Variants in CDH23 observed in about 807,000 individuals in gnomAD.
CDH23 encodes the protein cadherin related 23.
CDH23 carries 189 observed loss-of-function variants against 317.1 expected under a neutral mutation model. The observed-to-expected ratio is 0.60, with a 90% confidence interval of 0.53 to 0.67. The LOEUF is 0.67. Ranked by LOEUF, CDH23 falls within the 30% of genes least tolerant of loss-of-function variation. CDH23 has a pLI of 0.00. For synonymous variants in CDH23, 1,839 were observed against 1,876.8 expected (o/e 0.98, Z 0.52); for missense variants, 4,401 against 4,592.4 (o/e 0.96, Z 1.20).
chr10:71,761,943 G>A (rs1296226004), intron 38 of CDH23: 13 of 1,613,874 alleles, frequency 8.1e-6, no homozygotes, highest in African/African-American at 2.7e-5. Flanking sequence ...GGGCCCAAGA[G>A]CCTGCAGGTG....
At chr10:71,790,047 G>T (rs551459684) in intron 45 of CDH23, among the ~76,000 whole-genome samples, 6 of 152,186 alleles carry the variant, frequency 3.9e-5, no homozygotes, top group Non-Finnish European at 7.4e-5. Flanking sequence ...CTGGGCAGCC[G>T]GGGCCTTGCT....
At chr10:71,703,316 C>G (rs978423143) in intron 24 of CDH23, among the ~76,000 whole-genome samples, 8 of 152,198 alleles carry the variant, frequency 5.3e-5, no homozygotes, top group African/African-American at 1.9e-4. Context: ...CACTGGAGAC[C>G]CTCCTGGTTA....
intron 6 of CDH23, among the ~76,000 whole-genome samples, chr10:71,550,559 C>CAAA (rs1222399834): frequency 4.6e-4 from 21 of 45,540 alleles, no homozygotes; most frequent in African/African-American, 6.5e-4. Context: ...GACCCTGTCT[C>CAAA]AAAAAAAAAA....
chr10:71,647,126 G>A (rs1334709029), intron 14 of CDH23: 1 of 975,564 alleles, frequency 1.0e-6, no homozygotes, highest in Non-Finnish European at 1.2e-6. Flanking sequence ...AAACCCTTAA[G>A]TAGTTCAAGC....
chr10:71,797,120 G>A lies in CDH23; in HGVS notation c.6729G>A (p.Lys2243=). 1.2e-6 allele frequency: 2 copies of A among 1,612,364 alleles called. No individual in the cohort carries two copies. The highest frequency in any genetic ancestry group is 1.7e-6 in the Non-Finnish European group (2 of 1,178,796). The change falls in exon 49 of 70, where the codon AAG becomes AAA. Residue 2243 remains lysine, a synonymous_variant. Transcript: ENST00000224721. ...VNINTGSVMV[K]SPMNRELVAT... ...GGTCCACAGGATCTGTAATGGTGAA[G>A]TCCCCCATGAATCGGGAGCTGGTTG...
chr10:71,622,180 G>A (rs955774175), intron 11 of CDH23, among the ~76,000 whole-genome samples: 3 of 152,028 alleles, frequency 2.0e-5, no homozygotes, highest in African/African-American at 7.3e-5. Context: ...ACGGTGAATC[G>A]GCAACTCACT....
Position 71,675,163 on chromosome 10 carries a change from G to A in CDH23, c.1501G>A (p.Asp501Asn). The change falls in exon 15 of 70, where the codon GAT (aspartate) becomes AAT (asparagine). Residue 501 changes from aspartate (D) to asparagine (N), a missense_variant. By Grantham distance (23) the Asp-to-Asn change is conservative. Transcript: ENST00000224721. ...TFGEVSYFFS[D>N]DPDRFSLDKD... ...TGGGGAAGTCAGCTACTTCTTCAGT[G>A]ATGACCCTGACAGGTGAGACTCTGC... The A allele has an allele frequency of 1.2e-6, 2 of 1,613,922 alleles. No homozygotes were observed. The highest frequency in any genetic ancestry group is 8.5e-7 in the Non-Finnish European group (1 of 1,179,796).
chr10:71,726,667 G>A (rs7918082), intron 30 of CDH23, among the ~76,000 whole-genome samples: 53,008 of 152,232 alleles, frequency 0.35, 11,486 homozygotes, highest in African/African-American at 0.6. Flanking sequence ...TGGCTTGCAT[G>A]ACTGTGAATC....
At chr10:71,470,494 T>G (rs182181965) in intron 3 of CDH23, among the ~76,000 whole-genome samples, 5 of 151,942 alleles carry the variant, frequency 3.3e-5, no homozygotes, top group Non-Finnish European at 7.4e-5. Context: ...TATTTGATTT[T>G]TAATTTTACT....
intron 38 of CDH23, chr10:71,752,994 C>T (rs1840044186): frequency 6.2e-7 from 1 of 1,613,024 alleles, no homozygotes; most frequent in Non-Finnish European, 8.5e-7. Flanking sequence ...CGCACCAGCT[C>T]CTGGGCACCT....
In CDH23 at chr10:71,617,491, A is replaced by C. The variant is rs1861254986; in HGVS notation, c.1134+98A>C. Reference sequence around the variant, plus strand: ...GGTCCTCAGCTATAAAATAGAAACAAACATTGCGGCACCCCACTCCTGGTA... The same window carrying C: ...GGTCCTCAGCTATAAAATAGAAACACACATTGCGGCACCCCACTCCTGGTA... On this transcript the variant is annotated intron_variant, in intron 11 of 69. Transcript: ENST00000224721. 8 of 1,527,802 alleles carry C rather than the reference A, an allele frequency of 5.2e-6. No homozygotes were observed. The East Asian group carries it at 2.0e-4, about 38-fold the overall frequency. The allele number at this position is 1,527,802 out of a possible 1,614,324, so 94.6% of individuals were successfully genotyped here.
At chr10:71,554,118 C>G (rs577687343) in intron 6 of CDH23, among the ~76,000 whole-genome samples, 2 of 152,250 alleles carry the variant, frequency 1.3e-5, no homozygotes, top group Non-Finnish European at 2.9e-5. Flanking sequence ...CTATTATGCA[C>G]TAAACACTTT....
intron 18 of CDH23, 85 bp downstream of exon 18, chr10:71,682,657 G>A (rs1864704391): frequency 6.6e-7 from 1 of 1,523,950 alleles, no homozygotes; most frequent in East Asian, 2.4e-5. Flanking sequence ...TAGGACTGTG[G>A]CCCCCACCTC....
At chr10:71,742,334 G>A (rs931815764) in intron 38 of CDH23, among the ~76,000 whole-genome samples, 1 of 152,198 alleles carries the variant, frequency 6.6e-6, no homozygotes, top group Non-Finnish European at 1.5e-5. Flanking sequence ...CAGAAAGGGT[G>A]CCTCTCTGGC....
intron 38 of CDH23, among the ~76,000 whole-genome samples, chr10:71,774,051 GCACACACACACACA>G (rs57159718): frequency 1.6e-4 from 14 of 88,456 alleles, no homozygotes; most frequent in Non-Finnish European, 3.1e-4. Context: ...ATGCGCGCGC[GCACACACACACACA>G]CACACACACA....
intron 52 of CDH23, among the ~76,000 whole-genome samples, chr10:71,800,424 T>C (rs1841524930): frequency 6.6e-6 from 1 of 152,118 alleles, no homozygotes. Flanking sequence ...GGCAGGTAGC[T>C]CCAGGCTGGG....
chr10:71,584,693 C>A (rs1202141912), intron 9 of CDH23, among the ~76,000 whole-genome samples: 2 of 152,170 alleles, frequency 1.3e-5, no homozygotes, highest in African/African-American at 4.8e-5. Context: ...TCATAGGAGA[C>A]CATCGTGCGA....
intron 3 of CDH23, among the ~76,000 whole-genome samples, chr10:71,489,687 G>T (rs1287360211): frequency 6.6e-6 from 1 of 151,496 alleles, no homozygotes; most frequent in East Asian, 1.9e-4. Context: ...GATTCTTTGA[G>T]ACCTGAGATA....
At chr10:71,477,045 C>T (rs1467501737) in intron 3 of CDH23, among the ~76,000 whole-genome samples, 1 of 152,204 alleles carries the variant, frequency 6.6e-6, no homozygotes, top group African/African-American at 2.4e-5. Flanking sequence ...CATCTTCCTC[C>T]TTGGCCTTCA....
Sources: allele counts gnomAD v4.1 joint callset (sites outside exome capture counted in the v4.1 genomes callset), GRCh38; gene constraint gnomAD v4.1.1; transcripts MANE v1.5; gene names NCBI Gene and HGNC (gene_info 2026-07-23, HGNC 2026-07-21).